The following CNOT4 variants were observed in gnomAD, a reference collection of about 807,000 sequenced individuals.
CNOT4 encodes the protein CCR4-NOT transcription complex subunit 4.
Under a neutral mutation model 73.8 loss-of-function variants are expected in CNOT4, and 8 were observed. The ratio of observed to expected loss-of-function variants is 0.11; its 90% CI spans 0.06 to 0.20. The LOEUF (loss-of-function observed/expected upper bound fraction) is 0.20. CNOT4 is among the 10% of genes least tolerant of loss of function. The pLI, the probability that CNOT4 is intolerant of heterozygous loss-of-function variation, is 1.00. For missense variants in CNOT4, 564 were observed against 883.4 expected, an observed-to-expected ratio of 0.64 and a Z score of 4.58; for synonymous variants, 293 against 321.1, an observed-to-expected ratio of 0.91 and a Z score of 0.94.
chr7:135,471,403 T>C (rs1410539284), intron 1 of CNOT4, among the ~76,000 whole-genome samples: 2 of 152,208 alleles, frequency 1.3e-5, no homozygotes, highest in Non-Finnish European at 2.9e-5. Context: ...AAAAAAACCA[T>C]TAAACTGTAG....
intron 8 of CNOT4, among the ~76,000 whole-genome samples, 153 bp downstream of exon 8, chr7:135,398,016 G>C (rs1165459998): frequency 6.6e-6 from 1 of 151,994 alleles, no homozygotes. Flanking sequence ...ATTCTGGGGG[G>C]AAAAGGCTAA....
chr7:135,395,541 A>T, intron 9 of CNOT4, 93 bp downstream of exon 9: 1 of 1,371,402 alleles, frequency 7.3e-7, no homozygotes. Flanking sequence ...GAGAGGCAAA[A>T]GATAAAAATA....
chr7:135,495,382 G>C (rs1188882639), intron 1 of CNOT4, among the ~76,000 whole-genome samples: 1 of 151,810 alleles, frequency 6.6e-6, no homozygotes. Context: ...GCACATACCT[G>C]TAGTCCCAGC....
At chr7:135,404,307 T>C (rs770124307) in intron 7 of CNOT4, among the ~76,000 whole-genome samples, 16 of 152,210 alleles carry the variant, frequency 1.1e-4, no homozygotes, top group Non-Finnish European at 2.2e-4. Flanking sequence ...AGTCCATTTC[T>C]CATGGCACCT....
intron 1 of CNOT4, among the ~76,000 whole-genome samples, chr7:135,498,757 C>T (rs1185600947): frequency 6.6e-6 from 1 of 152,154 alleles, no homozygotes; most frequent in East Asian, 1.9e-4. Flanking sequence ...CCATGTTGGC[C>T]AGGCTGGTCT....
At chr7:135,463,422 C>T (rs950923669) in intron 1 of CNOT4, among the ~76,000 whole-genome samples, 20 of 151,226 alleles carry the variant, frequency 1.3e-4, no homozygotes, top group Admixed American at 9.3e-4. Flanking sequence ...CCTGTAATCT[C>T]GGCTATTCGG....
intron 10 of CNOT4, among the ~76,000 whole-genome samples, chr7:135,383,904 A>G (rs1382619304): frequency 6.6e-6 from 1 of 152,016 alleles, no homozygotes; most frequent in Non-Finnish European, 1.5e-5. Context: ...GTCTTCTTGA[A>G]TGTCTCTATG....
At position 135,477,235 on chromosome 7, in the gene CNOT4, C is replaced by T. The variant is rs959348470; in HGVS notation, c.-93+32654G>A. Among the ~76,000 whole-genome samples, 36 of 151,908 alleles carry T rather than the reference C, an allele frequency of 2.4e-4. 1 individual carries two copies. Among genetic ancestry groups the T allele is most frequent in the African/African-American group, 6.5e-4 (27 of 41,336 alleles). Reference sequence around the variant, plus strand: ...GCACATGCCCATAGTGCCAGCTACTCAGGAGGCTGAGGCAGGAGAATCACC... The same window carrying T: ...GCACATGCCCATAGTGCCAGCTACTTAGGAGGCTGAGGCAGGAGAATCACC... On this transcript the variant is annotated intron_variant, in intron 1 of 11. Coordinates refer to ENST00000541284, the MANE Select transcript of CNOT4 (RefSeq NM_001190850.2).
intron 10 of CNOT4, among the ~76,000 whole-genome samples, chr7:135,376,542 G>A (rs1350808189): frequency 6.6e-6 from 1 of 152,026 alleles, no homozygotes; most frequent in Non-Finnish European, 1.5e-5. Flanking sequence ...AAAGTATTGT[G>A]CTTCCTATAC....
At chr7:135,413,013 T>C (rs1220020601) in intron 6 of CNOT4, among the ~76,000 whole-genome samples, 1 of 152,022 alleles carries the variant, frequency 6.6e-6, no homozygotes, top group African/African-American at 2.4e-5. Context: ...TTTGTAAAAA[T>C]AATATTAGTT....
chr7:135,395,941 A>G (rs1028342048), intron 8 of CNOT4, 58 bp from the exon 9 acceptor site: 4 of 1,263,028 alleles, frequency 3.2e-6, no homozygotes, highest in Non-Finnish European at 4.5e-6. Context: ...AATAAGCCAC[A>G]ATTAAAAAGT....
intron 1 of CNOT4, among the ~76,000 whole-genome samples, chr7:135,458,490 C>A (rs1164110806): frequency 6.6e-6 from 1 of 152,032 alleles, no homozygotes; most frequent in African/African-American, 2.4e-5. Flanking sequence ...CTCTCTTTCA[C>A]GAAAGATTTC....
In CNOT4 at chr7:135,413,379, A is replaced by G. The variant is rs1480566308; in HGVS notation, c.687+109T>C. The G allele has an allele frequency of 2.4e-6, 3 of 1,258,362 alleles. No homozygotes were observed. In the African/African-American group the frequency reaches 4.6e-5, roughly 19 times the overall value. The allele number at this position is 1,258,362 out of a possible 1,614,324, so 77.9% of individuals were successfully genotyped here. A position where few individuals can be genotyped will look rare whatever the true frequency, so the allele number is the denominator to read the frequency against. On this transcript the variant is annotated intron_variant, in intron 6 of 11. Transcript: ENST00000541284. ...TTGGCAAATGCTACTTTAAAGTAAT[A>G]TCAGTTTTTACAAAATCAAATCCTT...
intron 10 of CNOT4, among the ~76,000 whole-genome samples, chr7:135,375,207 G>C (rs1476329694): frequency 6.6e-6 from 1 of 152,126 alleles, no homozygotes; most frequent in Non-Finnish European, 1.5e-5. Flanking sequence ...TTTAAGAAAG[G>C]CAACGTCAAG....
intron 1 of CNOT4, among the ~76,000 whole-genome samples, chr7:135,502,234 T>C (rs1051241055): frequency 2.6e-5 from 4 of 152,234 alleles, no homozygotes; most frequent in East Asian, 1.9e-4. Flanking sequence ...ATTCCCTATA[T>C]AGAACGTACA....
intron 1 of CNOT4, among the ~76,000 whole-genome samples, chr7:135,449,826 G>T (rs1388870688): frequency 1.6e-5 from 2 of 121,456 alleles, no homozygotes; most frequent in African/African-American, 5.4e-5. Context: ...AGAATATTGT[G>T]GGTTTTTTTT....
Position 135,375,575 on chromosome 7 carries a change from T to C in CNOT4, c.1628-11509A>G, listed in dbSNP as rs78130997. ...TTACCAATATTTATATATAGATTTATGGGTATCAAAAATGAGGACTCGCCT... is the reference window on the plus strand; with the variant it reads ...TTACCAATATTTATATATAGATTTACGGGTATCAAAAATGAGGACTCGCCT... On this transcript the variant is annotated intron_variant, in intron 10 of 11. Transcript: ENST00000541284. 2.2e-3 allele frequency among the ~76,000 whole-genome samples: 341 copies of C among 152,290 alleles called. 12 individuals are homozygous for C. The East Asian group carries it at 0.054, about 24-fold the overall frequency.
chr7:135,444,383 G>T, intron 1 of CNOT4: 1 of 697,274 alleles, frequency 1.4e-6, no homozygotes. Flanking sequence ...CATCAATGGA[G>T]GCATACACAA....
intron 1 of CNOT4, among the ~76,000 whole-genome samples, chr7:135,502,827 A>G (rs958211399): frequency 6.6e-6 from 1 of 151,346 alleles, no homozygotes; most frequent in African/African-American, 2.4e-5. Context: ...AAAAAAAAAA[A>G]AAAAAAAGAA....
Sources: allele counts gnomAD v4.1 joint callset (sites outside exome capture counted in the v4.1 genomes callset), GRCh38; gene constraint gnomAD v4.1.1; transcripts MANE v1.5; gene names NCBI Gene and HGNC (gene_info 2026-07-23, HGNC 2026-07-21).